Variants in BFSP1 observed in about 807,000 individuals in gnomAD.
The protein encoded by BFSP1 is filensin.
A neutral mutation model predicts 43.9 loss-of-function variants in BFSP1; 38 were observed. The observed-to-expected ratio is 0.87, with a 90% CI of 0.67 to 1.14. The LOEUF (loss-of-function observed/expected upper bound fraction) is 1.14, where lower values mean the gene tolerates loss of function less well. Ranked by LOEUF, BFSP1 falls within the 50% of genes most tolerant of loss-of-function variation. BFSP1 has a pLI of 0.00. For missense variants in BFSP1, 850 were observed against 875.1 expected (o/e 0.97, Z 0.36); for synonymous variants, 352 against 354.8 (o/e 0.99, Z 0.09).
At chr20:17,550,486 C>T (rs1400996624) in intron 1 of BFSP1, among the ~76,000 whole-genome samples, 14 of 129,296 alleles carry the variant, frequency 1.1e-4, no homozygotes, top group Admixed American at 2.5e-4. Context: ...TTTTTTGAGA[C>T]GGAGTTTCAC....
chr20:17,498,292 G>T (rs2033704578), intron 6 of BFSP1, among the ~76,000 whole-genome samples: 1 of 152,210 alleles, frequency 6.6e-6, no homozygotes, highest in African/African-American at 2.4e-5. Context: ...AGTGAGTAGG[G>T]ATCGACTCAC....
chr20:17,514,989 C>T (rs889046267), intron 2 of BFSP1, among the ~76,000 whole-genome samples, 173 bp from the exon 3 acceptor site: 1 of 152,312 alleles, frequency 6.6e-6, no homozygotes, highest in East Asian at 1.9e-4. Context: ...TGGCTTAGCC[C>T]ATTGGACCTG....
chr20:17,522,471 A>T (rs1388225120), intron 2 of BFSP1, among the ~76,000 whole-genome samples: 1 of 152,188 alleles, frequency 6.6e-6, no homozygotes, highest in Non-Finnish European at 1.5e-5. Flanking sequence ...CCTGCATCTT[A>T]TTCACTCTGT....
upstream of BFSP1, chr20:17,531,485 G>A (rs930145055): frequency 2.7e-6 from 3 of 1,108,762 alleles, no homozygotes; most frequent in East Asian, 7.0e-5. Flanking sequence ...CTGGGCCCGG[G>A]CGCGGGAGAA....
Position 17,538,141 on chromosome 20 carries a change from AGAGAAAG to A in BFSP1, c.3-13240_3-13234del, listed in dbSNP as rs200012355. On this transcript the variant is annotated intron_variant, in intron 1 of 7. Transcript: ENST00000377868. ...GTCTCAAAAGAAAAAAAAAAGAAAG[AGAGAAAG>A]GAAAGGAAAGGAAAGGAGGAAGGAA... Among the ~76,000 whole-genome samples the A allele has an allele frequency of 7.9e-3, 1,181 of 149,378 alleles. 7 individuals are homozygous for A. Among genetic ancestry groups the A allele is most frequent in the South Asian group, 0.017 (81 of 4,762 alleles).
At chr20:17,567,073 G>A (rs2035128037) in intron 1 of BFSP1, among the ~76,000 whole-genome samples, 1 of 151,986 alleles carries the variant, frequency 6.6e-6, no homozygotes, top group South Asian at 2.1e-4. Context: ...TCAGCTTCCG[G>A]AGGGCATAAA....
At chr20:17,530,364 T>G (rs2034507879) in intron 1 of BFSP1, among the ~76,000 whole-genome samples, 1 of 152,238 alleles carries the variant, frequency 6.6e-6, no homozygotes, top group African/African-American at 2.4e-5. Context: ...CTCAGTCGCC[T>G]CATCTGTAAA....
chr20:17,526,015 T>A (rs931761281), intron 1 of BFSP1, among the ~76,000 whole-genome samples: 2 of 151,732 alleles, frequency 1.3e-5, no homozygotes, highest in Admixed American at 1.3e-4. Context: ...ACCTTCTGTG[T>A]CCCAAATACT....
chr20:17,548,423 T>A (rs1436195472), intron 1 of BFSP1, among the ~76,000 whole-genome samples: 1 of 152,228 alleles, frequency 6.6e-6, no homozygotes, highest in African/African-American at 2.4e-5. Context: ...TTGCTGAAAC[T>A]TTTTACATAA....
At chr20:17,564,992 T>TTCC (rs2035103738) in intron 1 of BFSP1, among the ~76,000 whole-genome samples, 2 of 151,096 alleles carry the variant, frequency 1.3e-5, no homozygotes, top group Admixed American at 6.6e-5. Flanking sequence ...AGTGCAGTGG[T>TTCC]GTGATCTTGG....
intron 1 of BFSP1, among the ~76,000 whole-genome samples, 155 bp downstream of exon 1, chr20:17,530,798 A>T (rs974780526): frequency 2.0e-5 from 3 of 152,256 alleles, no homozygotes; most frequent in African/African-American, 7.2e-5. Flanking sequence ...TCTTAGCTTA[A>T]GGAAATGTGC....
intron 7 of BFSP1, 55 bp from the exon 8 acceptor site, chr20:17,495,084 A>G (rs1600626657): frequency 1.3e-6 from 2 of 1,494,682 alleles, no homozygotes; most frequent in Non-Finnish European, 1.8e-6. Flanking sequence ...GAGAGAAAGA[A>G]AATACGCTGG....
upstream of BFSP1, among the ~76,000 whole-genome samples, chr20:17,533,388 ATCAG>A (rs2034579847): frequency 6.6e-6 from 1 of 152,184 alleles, no homozygotes; most frequent in Non-Finnish European, 1.5e-5. Flanking sequence ...GATACCATGT[ATCAG>A]TCAAATATTG....
intron 1 of BFSP1, among the ~76,000 whole-genome samples, chr20:17,555,071 G>GGA (rs1315071471): frequency 1.1e-4 from 16 of 151,896 alleles, no homozygotes; most frequent in Non-Finnish European, 4.4e-5. Flanking sequence ...GGCCGAGGTG[G>GGA]GAGAATCACA....
intron 6 of BFSP1, among the ~76,000 whole-genome samples, chr20:17,497,606 A>G (rs1426824690): frequency 8.3e-6 from 1 of 120,740 alleles, no homozygotes; most frequent in Non-Finnish European, 1.7e-5. Context: ...GTATATATAT[A>G]CGTATATATA....
intron 2 of BFSP1, among the ~76,000 whole-genome samples, chr20:17,519,534 G>T (rs558870571): frequency 6.6e-6 from 1 of 152,228 alleles, no homozygotes; most frequent in Admixed American, 6.5e-5. Context: ...AAGATAACAG[G>T]CCTGGAACCT....
chr20:17,567,267 T>C (rs2122138701), intron 1 of BFSP1, among the ~76,000 whole-genome samples: 1 of 152,270 alleles, frequency 6.6e-6, no homozygotes, highest in East Asian at 1.9e-4. Flanking sequence ...GTAAAACATC[T>C]TCAGATACTG....
intron 1 of BFSP1, among the ~76,000 whole-genome samples, chr20:17,548,180 C>CAAAAA (rs11470598): frequency 5.0e-5 from 6 of 119,852 alleles, no homozygotes; most frequent in Non-Finnish European, 1.0e-4. Flanking sequence ...GAAAATAATG[C>CAAAAA]AAAAAAAAAA....
At chr20:17,497,582 G>A (rs1305589574) in intron 6 of BFSP1, among the ~76,000 whole-genome samples, 1 of 124,594 alleles carries the variant, frequency 8.0e-6, no homozygotes, top group Admixed American at 7.8e-5. Flanking sequence ...GTATATATAC[G>A]TATATATATA....
Sources: allele counts gnomAD v4.1 joint callset (sites outside exome capture counted in the v4.1 genomes callset), GRCh38; gene constraint gnomAD v4.1.1; transcripts MANE v1.5; gene names NCBI Gene and HGNC (gene_info 2026-07-23, HGNC 2026-07-21).